RBFOX1: variants seen among roughly 807,000 people sequenced by gnomAD.
The protein encoded by RBFOX1 is RNA binding fox-1 homolog 1.
In RBFOX1, 8 loss-of-function variants were observed where a neutral mutation model predicts 57.7. The ratio of observed to expected loss-of-function variants is 0.14; its 90% CI spans 0.08 to 0.25. RBFOX1 has a LOEUF of 0.25. RBFOX1 is among the 10% of genes least tolerant of loss of function. The pLI, the probability that RBFOX1 is intolerant of heterozygous loss-of-function variation, is 1.00. For missense variants in RBFOX1, 611 were observed against 548.5 expected, an observed-to-expected ratio of 1.11 and a Z score of -1.14; for synonymous variants, 326 against 222.4, an observed-to-expected ratio of 1.47 and a Z score of -4.15.
In RBFOX1 at chr16:7,533,657, G is replaced by A. The variant is rs192678178; in HGVS notation, c.270+15268G>A. ...TATACTGAAGTGTCAAATATCTCAT[G>A]CACTTTATTATGTACTGTACTGAAA... On this transcript the variant is annotated intron_variant, in intron 5 of 15. Transcript: ENST00000550418. Among the ~76,000 whole-genome samples the A allele has an allele frequency of 5.5e-4, 84 of 152,298 alleles. 1 individual carries two copies. Among genetic ancestry groups the A allele is most frequent in the African/African-American group, 2.0e-3 (82 of 41,574 alleles).
intron 3 of RBFOX1, among the ~76,000 whole-genome samples, chr16:6,732,413 C>G (rs966166362): frequency 1.3e-5 from 2 of 152,210 alleles, no homozygotes; most frequent in African/African-American, 2.4e-5. Context: ...CTCTCTGGCC[C>G]AAGCACCTGC....
At chr16:6,806,711 G>T (rs543809086) in intron 3 of RBFOX1, among the ~76,000 whole-genome samples, 90 of 149,730 alleles carry the variant, frequency 6.0e-4, no homozygotes, top group Middle Eastern at 3.5e-3. Context: ...TGTCTTACAT[G>T]TATTACCAGG....
intron 2 of RBFOX1, chr16:6,483,771 C>T (rs971912461): frequency 3.5e-6 from 5 of 1,413,052 alleles, no homozygotes; most frequent in Admixed American, 5.6e-5. Context: ...AGCCGCTGTC[C>T]AACGTTAGCG....
chr16:7,368,372 CA>C (rs1287619339), intron 4 of RBFOX1, among the ~76,000 whole-genome samples: 1 of 151,946 alleles, frequency 6.6e-6, no homozygotes, highest in East Asian at 1.9e-4. Context: ...TCAAAAGTGC[CA>C]TATTTTGAAA....
chr16:6,948,102 C>A (rs546220599), intron 3 of RBFOX1, among the ~76,000 whole-genome samples: 1 of 151,948 alleles, frequency 6.6e-6, no homozygotes, highest in Non-Finnish European at 1.5e-5. Context: ...TTTTCTTCTG[C>A]GGTTTGAGAA....
At position 6,495,364 on chromosome 16, in the gene RBFOX1, C is replaced by T. The variant is rs149351539; in HGVS notation, c.-63-159239C>T. On this transcript the variant is annotated intron_variant, in intron 2 of 15. Coordinates refer to ENST00000550418, the MANE Select transcript of RBFOX1 (RefSeq NM_018723.4). The stretch of plus-strand genomic sequence containing the variant: ...GAACTCCTGACCTCAGGTGATCCAC[C>T]GCCCCCCGCCCCCGCCTTGGCCTCC... 2.4e-4 allele frequency among the ~76,000 whole-genome samples: 37 copies of T among 151,928 alleles called. 1 individual carries two copies. The South Asian group carries it at 3.9e-3, about 16-fold the overall frequency.
intron 1 of RBFOX1, among the ~76,000 whole-genome samples, chr16:5,329,852 A>G (rs1304704733): frequency 6.6e-6 from 1 of 152,096 alleles, no homozygotes; most frequent in South Asian, 2.1e-4. Flanking sequence ...GTCCAAAAAT[A>G]TTAGCCAGGT....
In RBFOX1 at chr16:7,094,791, T is replaced by TG. The variant is rs1419435083; in HGVS notation, c.27+42693_27+42694insG. On this transcript the variant is annotated intron_variant, in intron 4 of 15. Transcript: ENST00000550418. The stretch of plus-strand genomic sequence containing the variant: ...GTGTGTGTGTGGGTGTGTGTGTGTG[T>TG]TGAGAGAGAGAGAGATTGAGACAGA... Among the ~76,000 whole-genome samples the TG allele has an allele frequency of 6.5e-4, 85 of 131,610 alleles. 2 individuals carry two copies. Among genetic ancestry groups the TG allele is most frequent in the South Asian group, 4.4e-3 (17 of 3,888 alleles). 86.3% of individuals were successfully genotyped at this position (131,610 alleles called of 152,430 possible). A position where few individuals can be genotyped will look rare whatever the true frequency, so the allele number is the denominator to read the frequency against.
intron 1 of RBFOX1, among the ~76,000 whole-genome samples, chr16:6,119,588 C>G (rs2096533178): frequency 6.6e-6 from 1 of 152,160 alleles, no homozygotes; most frequent in Non-Finnish European, 1.5e-5. Flanking sequence ...AAGCATTTTT[C>G]ATTCTCCTCC....
intron 3 of RBFOX1, among the ~76,000 whole-genome samples, chr16:6,758,619 A>T (rs2076163308): frequency 6.6e-6 from 1 of 152,166 alleles, no homozygotes; most frequent in Admixed American, 6.5e-5. Context: ...CTATAATGCA[A>T]ATATTTTATG....
At chr16:5,579,852 C>T (rs991533230) in intron 2 of RBFOX1, among the ~76,000 whole-genome samples, 7 of 152,062 alleles carry the variant, frequency 4.6e-5, no homozygotes, top group Middle Eastern at 3.4e-3. Context: ...CTCCGCCTCC[C>T]GGGTTCAAGC....
chr16:7,217,009 T>TTCCCTTCCTCCC (rs2092168153), intron 4 of RBFOX1, among the ~76,000 whole-genome samples: 1 of 16,822 alleles, frequency 5.9e-5, no homozygotes, highest in East Asian at 3.7e-3. Context: ...CCTCCCTCCC[T>TTCCCTTCCTCCC]TCCCTCCCTC....
intron 13 of RBFOX1, among the ~76,000 whole-genome samples, chr16:7,665,751 A>G (rs2069061090): frequency 6.6e-6 from 1 of 152,184 alleles, no homozygotes; most frequent in Admixed American, 6.6e-5. Flanking sequence ...TATTCCCTAA[A>G]TCACAATTTT....
intron 3 of RBFOX1, among the ~76,000 whole-genome samples, chr16:6,711,136 C>A (rs1603450275): frequency 6.6e-6 from 1 of 152,170 alleles, no homozygotes; most frequent in African/African-American, 2.4e-5. Flanking sequence ...TGCAGGAAAT[C>A]ATGTTGGCTT....
chr16:6,651,022 C>T (rs1467515913), intron 2 of RBFOX1, among the ~76,000 whole-genome samples: 1 of 152,274 alleles, frequency 6.6e-6, no homozygotes, highest in Non-Finnish European at 1.5e-5. Context: ...CTTGTCTCAG[C>T]CTCCTGAGTA....
At chr16:7,621,484 ACTC>A (rs1035870186) in intron 10 of RBFOX1, among the ~76,000 whole-genome samples, 5 of 151,322 alleles carry the variant, frequency 3.3e-5, no homozygotes, top group Non-Finnish European at 5.9e-5. Context: ...CTGGTCTTGA[ACTC>A]CTGGCCTCAA....
At chr16:6,836,580 A>G (rs1049622444) in intron 3 of RBFOX1, among the ~76,000 whole-genome samples, 13 of 152,256 alleles carry the variant, frequency 8.5e-5, no homozygotes, top group Admixed American at 8.5e-4. Context: ...AGAGAAATCA[A>G]ATCATCTTTC....
intron 4 of RBFOX1, among the ~76,000 whole-genome samples, chr16:7,319,879 A>G (rs35767895): frequency 0.19 from 28,398 of 152,034 alleles, 4,291 homozygotes; most frequent in African/African-American, 0.42. Flanking sequence ...ATGAGTACCA[A>G]TACCATGGAC....
chr16:7,092,471 C>T (rs2061016522), intron 4 of RBFOX1, among the ~76,000 whole-genome samples: 1 of 152,184 alleles, frequency 6.6e-6, no homozygotes, highest in African/African-American at 2.4e-5. Flanking sequence ...CAATATTTTT[C>T]CACAACAGCC....
Sources: gnomAD v4.1 joint callset for allele counts (sites outside exome capture counted in the v4.1 genomes callset) on GRCh38, gnomAD v4.1.1 for gene constraint, MANE v1.5 for transcripts, NCBI Gene and HGNC (gene_info 2026-07-23, HGNC 2026-07-21) for gene names.